Variants in SYNPO2 observed in about 807,000 individuals in gnomAD.
SYNPO2 encodes the protein synaptopodin-2.
A neutral mutation model predicts 85.0 loss-of-function variants in SYNPO2; 56 were observed. That is an observed-to-expected ratio of 0.66 (90% confidence interval 0.53 to 0.82). The LOEUF (loss-of-function observed/expected upper bound fraction) is 0.82, where lower values mean the gene tolerates loss of function less well. Among genes scored for constraint, SYNPO2 ranks in the 40% least tolerant of loss-of-function variants. The pLI, the probability that SYNPO2 is intolerant of heterozygous loss-of-function variation, is 0.00. For missense variants in SYNPO2, 1,575 were observed against 1,534.2 expected (o/e 1.03, Z -0.44); for synonymous variants, 602 against 591.1 (o/e 1.02, Z -0.27).
intron 1 of SYNPO2, among the ~76,000 whole-genome samples, chr4:118,914,282 A>G (rs546597009): frequency 1.3e-5 from 2 of 152,300 alleles, no homozygotes; most frequent in African/African-American, 4.8e-5. Context: ...AATTAAGAGT[A>G]TCAGTCTGGG....
At chr4:118,923,091 C>T (rs1208666939) in intron 1 of SYNPO2, among the ~76,000 whole-genome samples, 4 of 152,072 alleles carry the variant, frequency 2.6e-5, no homozygotes, top group African/African-American at 7.2e-5. Context: ...ACACACAACA[C>T]GATGGCAGCT....
intron 1 of SYNPO2, among the ~76,000 whole-genome samples, chr4:118,969,299 T>C (rs1428724812): frequency 1.3e-5 from 2 of 152,214 alleles, no homozygotes; most frequent in Non-Finnish European, 2.9e-5. Flanking sequence ...AGAAATTACA[T>C]TGCACTTTGT....
chr4:118,991,843 C>G (rs1736428513), intron 1 of SYNPO2, among the ~76,000 whole-genome samples: 6 of 152,118 alleles, frequency 3.9e-5, no homozygotes. Flanking sequence ...GCATTGTAAG[C>G]AGAAACAGTA....
chr4:118,882,052 A>C (rs1018618090), intron 1 of SYNPO2, among the ~76,000 whole-genome samples: 7 of 152,210 alleles, frequency 4.6e-5, no homozygotes, highest in Non-Finnish European at 1.0e-4. Context: ...CCCAACCAGC[A>C]TGTTTCTTTC....
intron 1 of SYNPO2, among the ~76,000 whole-genome samples, chr4:118,981,958 A>G (rs1201429371): frequency 3.3e-5 from 5 of 152,312 alleles, no homozygotes; most frequent in African/African-American, 9.6e-5. Flanking sequence ...TTCTCAGACT[A>G]GACCACTTGA....
At chr4:119,014,215 G>C (rs1313180462) in intron 1 of SYNPO2, among the ~76,000 whole-genome samples, 2 of 152,158 alleles carry the variant, frequency 1.3e-5, no homozygotes, top group South Asian at 2.1e-4. Context: ...TTGAGGTCAG[G>C]AGTTCAAGAC....
chr4:119,043,645 A>C (rs1036086073), intron 4 of SYNPO2: 2 of 152,206 alleles, frequency 1.3e-5, no homozygotes, highest in Non-Finnish European at 2.9e-5. Context: ...ATGCATTAAG[A>C]AAGCTATGCC....
chr4:118,973,352 C>T (rs1389828994), intron 1 of SYNPO2, among the ~76,000 whole-genome samples: 1 of 151,582 alleles, frequency 6.6e-6, no homozygotes, highest in Non-Finnish European at 1.5e-5. Flanking sequence ...TAGTAAGGCA[C>T]ACACTTGCAC....
intron 1 of SYNPO2, among the ~76,000 whole-genome samples, chr4:118,953,743 A>G (rs1426699845): frequency 6.6e-6 from 1 of 152,208 alleles, no homozygotes; most frequent in Non-Finnish European, 1.5e-5. Flanking sequence ...TTAGATTCCT[A>G]GGAATTAATG....
chr4:119,034,801 G>A (rs1213907412), intron 4 of SYNPO2: 1 of 985,408 alleles, frequency 1.0e-6, no homozygotes, highest in Non-Finnish European at 1.2e-6. Flanking sequence ...GGCCAAGGAA[G>A]TGATGTCAGT....
chr4:118,862,693 A>T (rs1050950641), intron 1 of SYNPO2, among the ~76,000 whole-genome samples: 1 of 152,162 alleles, frequency 6.6e-6, no homozygotes, highest in African/African-American at 2.4e-5. Flanking sequence ...GGTCATGATG[A>T]ATGATCTTTT....
At chr4:118,995,366 C>A (rs1736548976) in intron 1 of SYNPO2, among the ~76,000 whole-genome samples, 1 of 152,128 alleles carries the variant, frequency 6.6e-6, no homozygotes, top group Non-Finnish European at 1.5e-5. Flanking sequence ...GTGATGATAG[C>A]AACTATTATT....
chr4:119,032,021 A>G lies in SYNPO2; in HGVS notation c.3246A>G (p.Thr1082=). The G allele has an allele frequency of 6.2e-7, 1 of 1,614,090 alleles. No homozygotes were observed. Among genetic ancestry groups the G allele is most frequent in the Non-Finnish European group, 8.5e-7 (1 of 1,179,968 alleles). ...TCTCAGCCAAGAAAAGTGGTGTCAC[A>G]ATTCAGGTGTGGAAACCATCTGTTG... ...PKFSAKKSGV[T]IQESGRSLSL... is the part of the protein sequence containing the mutation. Residue 1082 remains threonine, a synonymous_variant, in exon 4 of 5, where the codon ACA becomes ACG. Transcript: ENST00000307142.
intron 4 of SYNPO2, among the ~76,000 whole-genome samples, chr4:119,055,551 A>C (rs1739183974): frequency 6.6e-6 from 1 of 152,226 alleles, no homozygotes; most frequent in Admixed American, 6.5e-5. Context: ...TATCATCTTT[A>C]AGTCTTCAGC....
At chr4:119,038,217 G>A (rs1738592980) in intron 4 of SYNPO2, 5 of 985,218 alleles carry the variant, frequency 5.1e-6, no homozygotes, top group Non-Finnish European at 6.0e-6. Context: ...GATTCACCAA[G>A]AGCCTACTGT....
chr4:118,949,125 C>A (rs1212087248), intron 1 of SYNPO2, among the ~76,000 whole-genome samples: 3 of 152,066 alleles, frequency 2.0e-5, no homozygotes, highest in African/African-American at 7.2e-5. Context: ...TATGTCCCCC[C>A]AGGAGCATGA....
chr4:119,033,834 A>G, intron 4 of SYNPO2: 2 of 984,726 alleles, frequency 2.0e-6, no homozygotes, highest in South Asian at 4.7e-5. Flanking sequence ...CAACAATTTC[A>G]TTGTTGTTAG....
At chr4:118,879,139 T>G (rs1020842440) in intron 1 of SYNPO2, among the ~76,000 whole-genome samples, 2 of 152,094 alleles carry the variant, frequency 1.3e-5, no homozygotes, top group Admixed American at 6.5e-5. Context: ...AGGAAGAAAC[T>G]CCCGACACAT....
chr4:118,864,888 G>A (rs1280554840), intron 1 of SYNPO2, among the ~76,000 whole-genome samples: 3 of 152,016 alleles, frequency 2.0e-5, no homozygotes, highest in Non-Finnish European at 4.4e-5. Flanking sequence ...ATATCCTGTT[G>A]AATAAGTAAG....
Sources: gnomAD v4.1 joint callset for allele counts (sites outside exome capture counted in the v4.1 genomes callset) on GRCh38, gnomAD v4.1.1 for gene constraint, MANE v1.5 for transcripts, NCBI Gene and HGNC (gene_info 2026-07-23, HGNC 2026-07-21) for gene names.